The following NSMCE2 variants were observed in gnomAD, a reference collection of about 807,000 sequenced individuals.
NSMCE2 encodes E3 SUMO-protein ligase NSE2.
NSMCE2 carries 24 observed loss-of-function variants against 23.8 expected under a neutral mutation model. The ratio of observed to expected loss-of-function variants is 1.01; its 90% CI spans 0.73 to 1.42. The LOEUF (loss-of-function observed/expected upper bound fraction) is 1.42, where lower values mean the gene tolerates loss of function less well. Among genes scored for constraint, NSMCE2 ranks in the 40% most tolerant of loss-of-function variants. The pLI is 0.00. For missense variants in NSMCE2, 284 were observed against 296.5 expected (o/e 0.96, Z 0.31); for synonymous variants, 92 against 94.1 (o/e 0.98, Z 0.13).
chr8:125,320,961 A>G (rs954909230), intron 5 of NSMCE2, among the ~76,000 whole-genome samples: 1 of 152,188 alleles, frequency 6.6e-6, no homozygotes, highest in Non-Finnish European at 1.5e-5. Flanking sequence ...GGGAGCAGAC[A>G]TATGGCCAGA....
At chr8:125,314,152 T>A (rs1275256322) in intron 5 of NSMCE2, among the ~76,000 whole-genome samples, 1 of 152,176 alleles carries the variant, frequency 6.6e-6, no homozygotes, top group Non-Finnish European at 1.5e-5. Flanking sequence ...CTTTAATGCT[T>A]AAGTGGATAT....
intron 4 of NSMCE2, among the ~76,000 whole-genome samples, chr8:125,180,363 G>T (rs928132920): frequency 6.6e-6 from 1 of 152,080 alleles, no homozygotes; most frequent in Admixed American, 6.5e-5. Context: ...AGCACTTGGG[G>T]GTTAGCAATA....
chr8:125,157,697 A>G (rs1285502799), intron 4 of NSMCE2, among the ~76,000 whole-genome samples: 1 of 152,208 alleles, frequency 6.6e-6, no homozygotes, highest in Non-Finnish European at 1.5e-5. Flanking sequence ...CATAGCTGCT[A>G]ATAGGTGAAG....
At chr8:125,365,892 A>G (rs926960157) in intron 7 of NSMCE2, among the ~76,000 whole-genome samples, 2 of 151,932 alleles carry the variant, frequency 1.3e-5, no homozygotes, top group Non-Finnish European at 2.9e-5. Flanking sequence ...ATAAACTCCA[A>G]AGCCCCATTG....
chr8:125,249,337 G>A (rs1391728792), intron 5 of NSMCE2, among the ~76,000 whole-genome samples: 1 of 152,182 alleles, frequency 6.6e-6, no homozygotes, highest in Non-Finnish European at 1.5e-5. Flanking sequence ...TGCTTCAAGA[G>A]TAAGTTTGGA....
intron 4 of NSMCE2, among the ~76,000 whole-genome samples, chr8:125,170,053 C>G (rs930850796): frequency 2.0e-5 from 3 of 152,032 alleles, no homozygotes; most frequent in Admixed American, 2.0e-4. Flanking sequence ...CTCTCATGTG[C>G]TCTCATAACA....
At chr8:125,295,772 C>G (rs1183280015) in intron 5 of NSMCE2, among the ~76,000 whole-genome samples, 1 of 152,168 alleles carries the variant, frequency 6.6e-6, no homozygotes, top group African/African-American at 2.4e-5. Flanking sequence ...AAGGAAGCAA[C>G]AGCTTTATAC....
At position 125,263,830 on chromosome 8, in the gene NSMCE2, C is replaced by CTAGCGTGTAAATCAGCTCTAGCGTGT. The variant is rs371607273; in HGVS notation, c.418+81574_418+81575insTAGCGTGTAAATCAGCTCTAGCGTGT. On this transcript the variant is annotated intron_variant, in intron 5 of 7. Transcript: ENST00000287437. ...CTGGGACTAACTCAGGAATCCCTCT[C>CTAGCGTGTAAATCAGCTCTAGCGTGT]AAATATCAGCTCTAGCGTGTAAAGA... Among the ~76,000 whole-genome samples, 469 of 152,180 alleles carry CTAGCGTGTAAATCAGCTCTAGCGTGT rather than the reference C, an allele frequency of 3.1e-3. 3 individuals are homozygous for CTAGCGTGTAAATCAGCTCTAGCGTGT. Among genetic ancestry groups the CTAGCGTGTAAATCAGCTCTAGCGTGT allele is most frequent in the African/African-American group, 0.011 (444 of 41,512 alleles).
intron 3 of NSMCE2, among the ~76,000 whole-genome samples, chr8:125,138,766 T>C (rs1429522955): frequency 4.6e-5 from 7 of 152,062 alleles, no homozygotes; most frequent in Middle Eastern, 3.2e-3. Context: ...GTAGGAGATA[T>C]TTAGTGGCTA....
At chr8:125,126,413 AAGATGTGAGG>A (rs1819521670) in intron 3 of NSMCE2, among the ~76,000 whole-genome samples, 1 of 151,686 alleles carries the variant, frequency 6.6e-6, no homozygotes, top group Non-Finnish European at 1.5e-5. Flanking sequence ...CTTTGCTCAC[AAGATGTGAGG>A]AGATGTGTGA....
chr8:125,102,434 A>G lies in NSMCE2; in HGVS notation c.104A>G (p.Asn35Ser). 1 of 1,613,808 alleles carries G rather than the reference A, an allele frequency of 6.2e-7. No homozygotes were observed. Among genetic ancestry groups the G allele is most frequent in the South Asian group, 1.1e-5 (1 of 91,062 alleles). Residue 35 changes from asparagine (N) to serine (S), a missense_variant, in exon 3 of 8, where the codon AAC (asparagine) becomes AGC (serine). Coordinates refer to ENST00000287437, the MANE Select transcript of NSMCE2 (RefSeq NM_173685.4). ...SSLKNFQACI[N>S]SGMDTASSVA... is the part of the protein sequence containing the mutation. ...TTGAAAAACTTCCAAGCCTGTATCA[A>G]CTCTGGTATGGACACAGCTTCTAGT... is the stretch of plus-strand genomic sequence containing the variant.
At chr8:125,184,246 G>A (rs1822967039) in intron 5 of NSMCE2, among the ~76,000 whole-genome samples, 1 of 152,100 alleles carries the variant, frequency 6.6e-6, no homozygotes, top group African/African-American at 2.4e-5. Context: ...ATTCCACAAG[G>A]TAAAGGATGA....
chr8:125,104,505 T>A (rs1818362247), intron 3 of NSMCE2, among the ~76,000 whole-genome samples: 1 of 152,224 alleles, frequency 6.6e-6, no homozygotes, highest in Non-Finnish European at 1.5e-5. Flanking sequence ...CTACTCTGGC[T>A]GGATGGAATT....
intron 4 of NSMCE2, among the ~76,000 whole-genome samples, chr8:125,162,887 A>G (rs1233257268): frequency 6.6e-6 from 1 of 152,244 alleles, no homozygotes; most frequent in Non-Finnish European, 1.5e-5. Flanking sequence ...GACTTTAGTC[A>G]TCTTTTTCAT....
intron 5 of NSMCE2, among the ~76,000 whole-genome samples, chr8:125,273,810 A>T (rs1827327196): frequency 6.6e-6 from 1 of 152,088 alleles, no homozygotes; most frequent in South Asian, 2.1e-4. Flanking sequence ...CCTTCTTAAG[A>T]CTTTGTTTTT....
At chr8:125,216,207 C>CAGTGGAT (rs200291269) in intron 5 of NSMCE2, among the ~76,000 whole-genome samples, 18,608 of 152,298 alleles carry the variant, frequency 0.12, 1,264 homozygotes, top group African/African-American at 0.16. Context: ...TTTTGTTGAT[C>CAGTGGAT]CACTTATCTG....
intron 5 of NSMCE2, among the ~76,000 whole-genome samples, chr8:125,319,940 C>T (rs915996707): frequency 1.3e-5 from 2 of 151,950 alleles, no homozygotes; most frequent in African/African-American, 2.4e-5. Context: ...CTTTGGGAGG[C>T]CAAGGCTGGC....
intron 5 of NSMCE2, among the ~76,000 whole-genome samples, chr8:125,316,662 C>A (rs1465574068): frequency 1.3e-5 from 1 of 76,592 alleles, no homozygotes; most frequent in Non-Finnish European, 3.6e-5. Flanking sequence ...TTCTTTCCTT[C>A]CTTCCTTCTT....
chr8:125,241,519 A>G (rs1041326666), intron 5 of NSMCE2, among the ~76,000 whole-genome samples: 2 of 152,244 alleles, frequency 1.3e-5, no homozygotes, highest in Non-Finnish European at 2.9e-5. Context: ...AAGGAATGCT[A>G]CGTTTAAAGT....
Sources: gnomAD v4.1 joint callset for allele counts (sites outside exome capture counted in the v4.1 genomes callset) on GRCh38, gnomAD v4.1.1 for gene constraint, MANE v1.5 for transcripts, NCBI Gene and HGNC (gene_info 2026-07-23, HGNC 2026-07-21) for gene names.